The following OR5AS1 variants were observed in gnomAD, a reference collection of about 807,000 sequenced individuals.
OR5AS1 encodes the protein olfactory receptor family 5 subfamily AS member 1.
For synonymous variants in OR5AS1, 196 were observed against 141.7 expected (o/e 1.38, Z -2.72); for missense variants, 492 against 378.2 (o/e 1.30, Z -2.50).
chr11:56,029,289 T>C (rs1853324110), intron 1 of OR5AS1, among the ~76,000 whole-genome samples: 1 of 152,118 alleles, frequency 6.6e-6, no homozygotes, highest in East Asian at 1.9e-4. Context: ...TTTAAAATCA[T>C]CTCAGCTTTT....
At chr11:56,029,938 C>A (rs1035839612) in intron 1 of OR5AS1, among the ~76,000 whole-genome samples, 7 of 152,104 alleles carry the variant, frequency 4.6e-5, no homozygotes, top group African/African-American at 1.4e-4. Flanking sequence ...CACAGATATT[C>A]TTCTGTGTGA....
Position 56,035,280 on chromosome 11 carries a change from A to G in OR5AS1, c.*3887A>G, listed in dbSNP as rs1392016705. On this transcript the variant is annotated 3_prime_UTR_variant, in exon 2 of 2. Coordinates refer to ENST00000641320, the MANE Select transcript of OR5AS1 (RefSeq NM_001001921.2). Reference sequence around the variant, plus strand: ...TCACACATAACAATATTAACCTTAAATGTAAATGGGCTGAAAGCCCCAGTT... The same window carrying G: ...TCACACATAACAATATTAACCTTAAGTGTAAATGGGCTGAAAGCCCCAGTT... 2.0e-5 allele frequency: 3 copies of G among 152,200 alleles called. No individual in the cohort carries two copies. The highest frequency in any genetic ancestry group is 7.2e-5 in the African/African-American group (3 of 41,436). The allele number at this position is 152,200 out of a possible 1,614,324, so 9.4% of individuals were successfully genotyped here.
In OR5AS1 at chr11:56,030,539, G is replaced by C; in HGVS notation, c.121G>C (p.Gly41Arg). 6.4e-7 allele frequency: 1 copy of C among 1,554,628 alleles called. No individual in the cohort carries two copies. The highest frequency in any genetic ancestry group is 2.0e-5 in the Admixed American group (1 of 51,014). ...TCTGGTATATACATTAACTATGGTCGGAAATATACTCTTAATAATTCTAGT... is the reference window on the plus strand; with the variant it reads ...TCTGGTATATACATTAACTATGGTCCGAAATATACTCTTAATAATTCTAGT... Reference protein sequence around the residue: ...FLLVYTLTMVGNILLIILVNI... With the variant: ...FLLVYTLTMVRNILLIILVNI... The change falls in exon 2 of 2, where the codon GGA becomes CGA. Residue 41 changes from glycine to arginine, a missense_variant. Physicochemically the swap from Gly to Arg is moderately radical, Grantham distance 125. Transcript: ENST00000641320.
In OR5AS1 at chr11:56,030,580, C is replaced by A; in HGVS notation, c.162C>A (p.Ser54Arg). 6.5e-7 allele frequency: 1 copy of A among 1,543,566 alleles called. No homozygotes were observed. Among genetic ancestry groups the A allele is most frequent in the Non-Finnish European group, 8.7e-7 (1 of 1,144,008 alleles). ...TAATTCTAGTTAATATTAATTCAAG[C>A]CTTCAAATTCCCATGTATTATTTTC... is the stretch of plus-strand genomic sequence containing the variant. ...LLIILVNINS[S>R]LQIPMYYFLS... The change falls in exon 2 of 2, where the codon AGC (serine) becomes AGA (arginine). Residue 54 changes from serine (S) to arginine (R), a missense_variant. Coordinates refer to ENST00000641320, the MANE Select transcript of OR5AS1 (RefSeq NM_001001921.2).
In OR5AS1 at chr11:56,037,922, A is replaced by G. The variant is rs962251967; in HGVS notation, c.*6529A>G. On this transcript the variant is annotated 3_prime_UTR_variant, in exon 2 of 2. Transcript: ENST00000641320. ...GTATGGTCCTGGTACCAAAGCAGAT[A>G]TATAGACCAATGGAACAGAATAGAG... The G allele has an allele frequency of 6.6e-6, 1 of 152,122 alleles. No individual in the cohort carries two copies. The highest frequency in any genetic ancestry group is 2.4e-5 in the African/African-American group (1 of 41,366). The allele number at this position is 152,122 out of a possible 1,614,324, so 9.4% of individuals were successfully genotyped here.
chr11:56,035,570 A>G lies in OR5AS1; in HGVS notation c.*4177A>G, dbSNP rs1853396030. ...GCAATACATAATGGTAAAAGGATCA[A>G]TGCAACAAGAAGAGCTAACTATACT... On this transcript the variant is annotated 3_prime_UTR_variant, in exon 2 of 2. Coordinates refer to ENST00000641320, the MANE Select transcript of OR5AS1 (RefSeq NM_001001921.2). The G allele has an allele frequency of 6.6e-6, 1 of 152,192 alleles. No homozygotes were observed. The highest frequency in any genetic ancestry group is 2.4e-5 in the African/African-American group (1 of 41,422). 9.4% of individuals were successfully genotyped at this position (152,192 alleles called of 1,614,324 possible).
rs769079642 is a variant in OR5AS1 at position 56,030,546 on chromosome 11, T to C, written c.128T>C (p.Ile43Thr). The C allele has an allele frequency of 6.4e-7, 1 of 1,556,546 alleles. No individual in the cohort carries two copies. ...TATACATTAACTATGGTCGGAAATATACTCTTAATAATTCTAGTTAATATT... is the reference window on the plus strand; with the variant it reads ...TATACATTAACTATGGTCGGAAATACACTCTTAATAATTCTAGTTAATATT... ...LVYTLTMVGN[I>T]LLIILVNINS... The change falls in exon 2 of 2, where the codon ATA (isoleucine) becomes ACA (threonine). Residue 43 changes from isoleucine to threonine, a missense_variant. Coordinates refer to ENST00000641320, the MANE Select transcript of OR5AS1 (RefSeq NM_001001921.2).
At chr11:56,030,267 A>G in intron 1 of OR5AS1, 124 bp from the exon 2 acceptor site, 1 of 427,456 alleles carries the variant, frequency 2.3e-6, no homozygotes, top group Non-Finnish European at 4.1e-6. Context: ...CAAAATCAAA[A>G]TTTACAAAAA....
chr11:56,027,947 G>A lies in OR5AS1; in HGVS notation c.-29+235G>A, dbSNP rs191348371. On this transcript the variant is annotated intron_variant, in intron 1 of 1. Coordinates refer to ENST00000641320, the MANE Select transcript of OR5AS1 (RefSeq NM_001001921.2). ...GAAAAAAAAATGTCACGCCCAATTC[G>A]TTGTGTACCTTATTGCCATGAGAAG... is the stretch of plus-strand genomic sequence containing the variant. 3.2e-4 allele frequency among the ~76,000 whole-genome samples: 48 copies of A among 151,968 alleles called. No individual in the cohort carries two copies. The East Asian group carries it at 7.6e-3, about 24-fold the overall frequency.
rs1234393942 is a variant in OR5AS1 at position 56,036,288 on chromosome 11, G to A, written c.*4895G>A. The A allele has an allele frequency of 6.6e-6, 1 of 151,962 alleles. No individual in the cohort carries two copies. Among genetic ancestry groups the A allele is most frequent in the Non-Finnish European group, 1.5e-5 (1 of 68,018 alleles). 9.4% of individuals were successfully genotyped at this position (151,962 alleles called of 1,614,324 possible). On this transcript the variant is annotated 3_prime_UTR_variant, in exon 2 of 2. Coordinates refer to ENST00000641320, the MANE Select transcript of OR5AS1 (RefSeq NM_001001921.2). ...ACAAGAAATAACTAAGATCAGAGCA[G>A]AACTGAAGGAGATAGAGACATGAAA...
chr11:56,030,477 A>T lies in OR5AS1; in HGVS notation c.59A>T (p.Tyr20Phe). 1 of 1,504,392 alleles carries T rather than the reference A, an allele frequency of 6.6e-7. No individual in the cohort carries two copies. The highest frequency in any genetic ancestry group is 8.9e-7 in the Non-Finnish European group (1 of 1,125,090). 93.2% of individuals were successfully genotyped at this position (1,504,392 alleles called of 1,614,324 possible). A position where few individuals can be genotyped will look rare whatever the true frequency, so the allele number is the denominator to read the frequency against. The change falls in exon 2 of 2, where the codon TAT (tyrosine) becomes TTT (phenylalanine). Residue 20 changes from tyrosine to phenylalanine, a missense_variant. Tyr to Phe is a conservative substitution (Grantham distance 22). Transcript: ENST00000641320. ...TTCCTATTTGTTGGATTCACAGATT[A>T]TCTACCTCTCAGAGTCACACTGTTC... Reference protein sequence around the residue: ...TEFLFVGFTDYLPLRVTLFLV... With the variant: ...TEFLFVGFTDFLPLRVTLFLV...
chr11:56,031,157 G>T lies in OR5AS1; in HGVS notation c.739G>T (p.Ala247Ser). 6.2e-7 allele frequency: 1 copy of T among 1,614,090 alleles called. No homozygotes were observed. Among genetic ancestry groups the T allele is most frequent in the South Asian group, 1.1e-5 (1 of 91,088 alleles). ...CTCCACTTGTGCTTCCCACCTCATA[G>T]CAGTCACCTTATTCTATGGAGCGCT... ...TFSTCASHLI[A>S]VTLFYGALLF... Residue 247 changes from alanine (A) to serine (S), a missense_variant, in exon 2 of 2, where the codon GCA becomes TCA. Physicochemically the swap from Ala to Ser is moderately conservative, Grantham distance 99. Coordinates refer to ENST00000641320, the MANE Select transcript of OR5AS1 (RefSeq NM_001001921.2).
In OR5AS1 at chr11:56,032,503, T is replaced by C. The variant is rs1476587681; in HGVS notation, c.*1110T>C. On this transcript the variant is annotated 3_prime_UTR_variant, in exon 2 of 2. Transcript: ENST00000641320. ...TTGACAAAGTTAAAGTGATACACCA[T>C]GTACATGTGAAATAAAAAAGTGTGC... The C allele has an allele frequency of 1.3e-5, 2 of 152,118 alleles. No homozygotes were observed. The highest frequency in any genetic ancestry group is 6.5e-5 in the Admixed American group (1 of 15,276). 9.4% of individuals were successfully genotyped at this position (152,118 alleles called of 1,614,324 possible).
chr11:56,029,888 A>G (rs1356218942), intron 1 of OR5AS1, among the ~76,000 whole-genome samples: 1 of 151,046 alleles, frequency 6.6e-6, no homozygotes, highest in African/African-American at 2.4e-5. Context: ...TTCCATAATT[A>G]CCATGCTCTT....
In OR5AS1 at chr11:56,035,881, T is replaced by G. The variant is rs1183187323; in HGVS notation, c.*4488T>G. 1 of 152,062 alleles carries G rather than the reference T, an allele frequency of 6.6e-6. No homozygotes were observed. Among genetic ancestry groups the G allele is most frequent in the Non-Finnish European group, 1.5e-5 (1 of 68,034 alleles). The allele number at this position is 152,062 out of a possible 1,614,324, so 9.4% of individuals were successfully genotyped here. A position where few individuals can be genotyped will look rare whatever the true frequency, so the allele number is the denominator to read the frequency against. On this transcript the variant is annotated 3_prime_UTR_variant, in exon 2 of 2. Coordinates refer to ENST00000641320, the MANE Select transcript of OR5AS1 (RefSeq NM_001001921.2). ...TTTATTCTAAAATTGACCACAATAT[T>G]GCAAGTAAAATACTCCTCAGCAAAT...
chr11:56,031,157 G>A lies in OR5AS1; in HGVS notation c.739G>A (p.Ala247Thr), dbSNP rs780868768. Residue 247 changes from alanine (A) to threonine (T), a missense_variant, in exon 2 of 2, where the codon GCA (alanine) becomes ACA (threonine). Coordinates refer to ENST00000641320, the MANE Select transcript of OR5AS1 (RefSeq NM_001001921.2). ...CTCCACTTGTGCTTCCCACCTCATAGCAGTCACCTTATTCTATGGAGCGCT... is the reference window on the plus strand; with the variant it reads ...CTCCACTTGTGCTTCCCACCTCATAACAGTCACCTTATTCTATGGAGCGCT... ...TFSTCASHLI[A>T]VTLFYGALLF... is the part of the protein sequence containing the mutation. 3.1e-6 allele frequency: 5 copies of A among 1,614,090 alleles called. No homozygotes were observed. Among genetic ancestry groups the A allele is most frequent in the Non-Finnish European group, 4.2e-6 (5 of 1,180,006 alleles).
In OR5AS1 at chr11:56,037,266, A is replaced by T. The variant is rs915462215; in HGVS notation, c.*5873A>T. On this transcript the variant is annotated 3_prime_UTR_variant, in exon 2 of 2. Coordinates refer to ENST00000641320, the MANE Select transcript of OR5AS1 (RefSeq NM_001001921.2). ...TAGTATTGAAAGTGCTGGCCAGGGC[A>T]ATCAGGCAAGATAAAGAAATAAAGG... 1 of 152,170 alleles carries T rather than the reference A, an allele frequency of 6.6e-6. No homozygotes were observed. The highest frequency in any genetic ancestry group is 1.9e-4 in the East Asian group (1 of 5,200). The allele number at this position is 152,170 out of a possible 1,614,324, so 9.4% of individuals were successfully genotyped here. A position where few individuals can be genotyped will look rare whatever the true frequency, so the allele number is the denominator to read the frequency against.
At position 56,031,235 on chromosome 11, in the gene OR5AS1, G is replaced by T. The variant is rs752252998; in HGVS notation, c.817G>T (p.Val273Leu). ...TAGCTATTCCCTAGACACTGATAAGGTGGTGGCAGTGTTTTATACTGTTGT... is the reference window on the plus strand; with the variant it reads ...TAGCTATTCCCTAGACACTGATAAGTTGGTGGCAGTGTTTTATACTGTTGT... ...TTSYSLDTDK[V>L]VAVFYTVVFP... Residue 273 changes from valine (V) to leucine (L), a missense_variant, in exon 2 of 2, where the codon GTG becomes TTG. By Grantham distance (32) the Val-to-Leu change is conservative. Transcript: ENST00000641320. 2.5e-6 allele frequency: 4 copies of T among 1,613,544 alleles called. No individual in the cohort carries two copies. Among genetic ancestry groups the T allele is most frequent in the Middle Eastern group, 1.6e-4 (1 of 6,082 alleles).
At chr11:56,028,123 C>A (rs1853314506) in intron 1 of OR5AS1, among the ~76,000 whole-genome samples, 1 of 151,830 alleles carries the variant, frequency 6.6e-6, no homozygotes, top group Non-Finnish European at 1.5e-5. Flanking sequence ...TAAAAACAAA[C>A]TAGGAGAATT....
Sources: allele counts gnomAD v4.1 joint callset (sites outside exome capture counted in the v4.1 genomes callset), GRCh38; gene constraint gnomAD v4.1.1; transcripts MANE v1.5; gene names NCBI Gene and HGNC (gene_info 2026-07-23, HGNC 2026-07-21).